NOP9: variants seen among roughly 807,000 people sequenced by gnomAD.
The protein encoded by NOP9 is nucleolar protein 9.
NOP9 carries 50 observed loss-of-function variants against 63.0 expected under a neutral mutation model. The ratio of observed to expected loss-of-function variants is 0.79; its 90% CI spans 0.63 to 1.00. The LOEUF is 1.00. Ranked by LOEUF, NOP9 falls within the 50% of genes least tolerant of loss-of-function variation. The probability of loss-of-function intolerance (pLI) is 0.00; values close to 1 mark genes in which losing one functional copy is unlikely to be tolerated. For missense variants in NOP9, 758 were observed against 803.0 expected, an observed-to-expected ratio of 0.94 and a Z score of 0.68; for synonymous variants, 343 against 332.8, an observed-to-expected ratio of 1.03 and a Z score of -0.33.
rs2041602557 is a variant in NOP9, at chr14:24,308,905, A to G, written c.*3810A>G. 6.6e-6 allele frequency: 1 copy of G among 152,220 alleles called. No homozygotes were observed. Among genetic ancestry groups the G allele is most frequent in the Admixed American group, 6.5e-5 (1 of 15,268 alleles). 9.4% of individuals were successfully genotyped at this position (152,220 alleles called of 1,614,324 possible). On this transcript the variant is annotated 3_prime_UTR_variant, in exon 10 of 10. Coordinates refer to ENST00000267425, the MANE Select transcript of NOP9 (RefSeq NM_174913.3). ...GCATTTCCCCTGCAGGCTTGAGCCCAAGCCAGAGCCTTGAAAAGGTATTCA... is the reference window on the plus strand; with the variant it reads ...GCATTTCCCCTGCAGGCTTGAGCCCGAGCCAGAGCCTTGAAAAGGTATTCA...
the NOP9 span, among the ~76,000 whole-genome samples, chr14:24,276,720 A>G: frequency 6.6e-6 from 1 of 152,218 alleles, no homozygotes; most frequent in African/African-American, 2.4e-5. Flanking sequence ...CCTCACCCAG[A>G]CTCAGGTTAA....
Position 24,308,755 on chromosome 14 carries a change from CA to C in NOP9, c.*3663del, listed in dbSNP as rs1248245971. On this transcript the variant is annotated 3_prime_UTR_variant, in exon 10 of 10. Coordinates refer to ENST00000267425, the MANE Select transcript of NOP9 (RefSeq NM_174913.3). ...AGACTCTCACTGACAGTGAAACCCT[CA>C]AATGAACACAATCCCTGCTTTCCTG... 1 of 152,218 alleles carries C rather than the reference CA, an allele frequency of 6.6e-6. No homozygotes were observed. The highest frequency in any genetic ancestry group is 1.5e-5 in the Non-Finnish European group (1 of 68,024). 9.4% of individuals were successfully genotyped at this position (152,218 alleles called of 1,614,324 possible). A position where few individuals can be genotyped will look rare whatever the true frequency, so the allele number is the denominator to read the frequency against.
chr14:24,298,063 T>G (rs1263569169), upstream of NOP9, among the ~76,000 whole-genome samples: 3 of 152,174 alleles, frequency 2.0e-5, no homozygotes, highest in Non-Finnish European at 4.4e-5. Flanking sequence ...AATTTTTTTT[T>G]TTAGAGACAG....
Position 24,306,231 on chromosome 14 carries a change from C to T in NOP9, c.*1136C>T. ...TGGGTCAGACCCTCCCTCGCTTGGA[C>T]TTTCTGTCCACTGTGTGACATCCTT... On this transcript the variant is annotated 3_prime_UTR_variant, in exon 10 of 10. Transcript: ENST00000267425. 1 of 1,529,014 alleles carries T rather than the reference C, an allele frequency of 6.5e-7. No homozygotes were observed. The highest frequency in any genetic ancestry group is 9.0e-7 in the Non-Finnish European group (1 of 1,115,966). 94.7% of individuals were successfully genotyped at this position (1,529,014 alleles called of 1,614,324 possible).
At chr14:24,296,902 T>G, upstream of NOP9, 1 of 1,614,028 alleles carries the variant, frequency 6.2e-7, no homozygotes, top group Non-Finnish European at 8.5e-7. Flanking sequence ...ACAGGGGATA[T>G]GAGCTCACAT....
At chr14:24,289,321 C>T in the NOP9 span, among the ~76,000 whole-genome samples, 6 of 152,114 alleles carry the variant, frequency 3.9e-5, no homozygotes, top group African/African-American at 7.2e-5. Flanking sequence ...GAGATGGGGT[C>T]TCCCTATGTT....
At chr14:24,297,128 G>A (rs2041263445), upstream of NOP9, among the ~76,000 whole-genome samples, 1 of 152,236 alleles carries the variant, frequency 6.6e-6, no homozygotes, top group African/African-American at 2.4e-5. Context: ...AACATTTACT[G>A]AGGCCCACCA....
the NOP9 span, among the ~76,000 whole-genome samples, chr14:24,289,920 C>T: frequency 6.6e-6 from 1 of 152,244 alleles, no homozygotes; most frequent in African/African-American, 2.4e-5. Flanking sequence ...CCTGGGGAAG[C>T]CTCAGCTCTC....
upstream of NOP9, among the ~76,000 whole-genome samples, chr14:24,297,327 A>G (rs936940885): frequency 6.6e-6 from 1 of 152,108 alleles, no homozygotes; most frequent in Non-Finnish European, 1.5e-5. Flanking sequence ...CACTCCACCA[A>G]TGCTCCTGGT....
At chr14:24,276,074 A>T in the NOP9 span, among the ~76,000 whole-genome samples, 3 of 152,246 alleles carry the variant, frequency 2.0e-5, no homozygotes, top group East Asian at 3.9e-4. Context: ...TAATTAACTT[A>T]AAAATTTTTT....
chr14:24,305,452 G>A lies in NOP9; in HGVS notation c.*357G>A. The A allele has an allele frequency of 1.4e-6, 1 of 730,142 alleles. No homozygotes were observed. The highest frequency in any genetic ancestry group is 2.0e-5 in the South Asian group (1 of 50,742). 45.2% of individuals were successfully genotyped at this position (730,142 alleles called of 1,614,324 possible). On this transcript the variant is annotated 3_prime_UTR_variant, in exon 10 of 10. Transcript: ENST00000267425. ...AAAGAACAGCATTCTTCAGGTAAGGGTATAGACTTGGGATGTGAGGCGTTA... is the reference window on the plus strand; with the variant it reads ...AAAGAACAGCATTCTTCAGGTAAGGATATAGACTTGGGATGTGAGGCGTTA...
the NOP9 span, chr14:24,290,660 A>G: frequency 6.9e-6 from 4 of 579,058 alleles, no homozygotes; most frequent in Admixed American, 1.3e-4. Flanking sequence ...GGCAAAAAGT[A>G]AAAAGAAGGA....
the NOP9 span, among the ~76,000 whole-genome samples, chr14:24,276,180 C>T: frequency 1.3e-4 from 19 of 151,728 alleles, no homozygotes; most frequent in African/African-American, 4.6e-4. Flanking sequence ...AGTTGGAGAC[C>T]AGCCTGTCCA....
the NOP9 span, among the ~76,000 whole-genome samples, chr14:24,274,076 C>G: frequency 1.3e-5 from 2 of 152,058 alleles, no homozygotes; most frequent in African/African-American, 4.8e-5. Context: ...AATAAGTGGC[C>G]AAATGGGACC....
rs770811310 is a variant in NOP9, at chr14:24,302,420, A to G, written c.1139A>G (p.Glu380Gly). ...TTACTGGATGCAGTCACTACCCCTG[A>G]GCTGGTGAGTTGGAAACCTGAGCTG... ...QRLLDAVTTP[E>G]LLSPVFEELS... is the part of the protein sequence containing the mutation. Residue 380 changes from glutamate (E) to glycine (G), a missense_variant, in exon 5 of 10, where the codon GAG becomes GGG. Coordinates refer to ENST00000267425, the MANE Select transcript of NOP9 (RefSeq NM_174913.3). The G allele has an allele frequency of 3.7e-6, 6 of 1,605,634 alleles. No individual in the cohort carries two copies. The highest frequency in any genetic ancestry group is 5.1e-6 in the Non-Finnish European group (6 of 1,173,924).
At chr14:24,275,424 C>T in the NOP9 span, among the ~76,000 whole-genome samples, 17 of 152,216 alleles carry the variant, frequency 1.1e-4, no homozygotes, top group Non-Finnish European at 2.2e-4. Flanking sequence ...AGTCACACAT[C>T]TTCGAGATTC....
At chr14:24,298,933 T>C (rs753513434), upstream of NOP9, 2 of 1,588,144 alleles carry the variant, frequency 1.3e-6, no homozygotes, top group South Asian at 1.1e-5. Flanking sequence ...TTTCTGCAAC[T>C]GTGGTCCCAG....
the NOP9 span, chr14:24,291,382 G>A: frequency 9.8e-7 from 1 of 1,025,354 alleles, no homozygotes. Flanking sequence ...CCAGGAGCCT[G>A]CTCCTAAGGC....
chr14:24,278,227 G>A, the NOP9 span, among the ~76,000 whole-genome samples: 1 of 152,144 alleles, frequency 6.6e-6, no homozygotes, highest in Non-Finnish European at 1.5e-5. Flanking sequence ...GTGGGGCCAG[G>A]TTTGGAAACC....
Sources: gnomAD v4.1 joint callset for allele counts (sites outside exome capture counted in the v4.1 genomes callset) on GRCh38, gnomAD v4.1.1 for gene constraint, MANE v1.5 for transcripts, NCBI Gene and HGNC (gene_info 2026-07-23, HGNC 2026-07-21) for gene names.